CEP135: variants seen among roughly 807,000 people sequenced by gnomAD.
The protein encoded by CEP135 is centrosomal protein of 135 kDa.
A neutral mutation model predicts 157.3 loss-of-function variants in CEP135; 142 were observed. That is an observed-to-expected ratio of 0.90 (90% CI 0.79 to 1.04). The LOEUF is 1.04. Ranked by LOEUF, CEP135 falls within the 50% of genes least tolerant of loss-of-function variation. CEP135 has a pLI of 0.00. For synonymous variants in CEP135, 396 were observed against 439.8 expected, an observed-to-expected ratio of 0.90 and a Z score of 1.25; for missense variants, 1,317 against 1,309.2, an observed-to-expected ratio of 1.01 and a Z score of -0.09.
Position 55,957,346 on chromosome 4 carries a change from T to C in CEP135, c.596T>C (p.Leu199Pro). ...QPDDPYIADL[L>P]QVADNRIQEL... ...GATGACCCTTACATTGCAGACCTCC[T>C]TCAAGTGGCTGATAACAGGTGCATT... Residue 199 changes from leucine to proline, a missense_variant, in exon 5 of 26, where the codon CTT (leucine) becomes CCT (proline). Coordinates refer to ENST00000257287, the MANE Select transcript of CEP135 (RefSeq NM_025009.5). The C allele has an allele frequency of 6.2e-7, 1 of 1,612,698 alleles. No homozygotes were observed. The highest frequency in any genetic ancestry group is 8.5e-7 in the Non-Finnish European group (1 of 1,179,672).
rs116424331 is a variant in CEP135, at chr4:56,027,296, A to G, written c.*11+2682A>G. On this transcript the variant is annotated intron_variant, in intron 25 of 25. Transcript: ENST00000257287. Reference sequence around the variant, plus strand: ...GGTTGGTTGGTAAACTAGGATCTGCAAGCCAAATCCATACCACTGCCTATT... The same window carrying G: ...GGTTGGTTGGTAAACTAGGATCTGCGAGCCAAATCCATACCACTGCCTATT... Among the ~76,000 whole-genome samples the G allele has an allele frequency of 6.8e-3, 1,033 of 152,314 alleles. 14 individuals carry two copies. The highest frequency in any genetic ancestry group is 0.024 in the African/African-American group (991 of 41,560).
At chr4:56,019,295 T>G (rs916697480) in intron 22 of CEP135, 58 bp from the exon 23 acceptor site, 50 of 1,357,646 alleles carry the variant, frequency 3.7e-5, no homozygotes, top group Admixed American at 1.4e-4. Context: ...AGATAAATAA[T>G]TTTTTCAGAG....
chr4:55,992,924 A>G (rs558090223), intron 15 of CEP135, among the ~76,000 whole-genome samples: 12 of 152,318 alleles, frequency 7.9e-5, no homozygotes, highest in Non-Finnish European at 1.2e-4. Flanking sequence ...AGGTCGGAAT[A>G]AGGGGACCGC....
In CEP135 at chr4:55,974,904, C is replaced by A; in HGVS notation, c.1408C>A (p.Arg470=). 6.2e-7 allele frequency: 1 copy of A among 1,613,046 alleles called. No individual in the cohort carries two copies. The highest frequency in any genetic ancestry group is 1.7e-5 in the Admixed American group (1 of 59,970). Residue 470 remains arginine, a synonymous_variant, in exon 11 of 26, where the codon CGA becomes AGA. Transcript: ENST00000257287. ...AGAGAGACTCCAACATATAATACAG[C>A]GAAGATCTTGCTCTACAAGTTATAG... ...ELERLQHIIQ[R]RSCSTSYSAR...
intron 13 of CEP135, among the ~76,000 whole-genome samples, chr4:55,982,424 T>C (rs1729442709): frequency 6.6e-6 from 1 of 152,222 alleles, no homozygotes; most frequent in African/African-American, 2.4e-5. Context: ...CTCCACACTC[T>C]CACCATTACT....
chr4:55,966,022 C>T, intron 8 of CEP135, 163 bp downstream of exon 8: 2 of 600,248 alleles, frequency 3.3e-6, no homozygotes, highest in Non-Finnish European at 5.9e-6. Flanking sequence ...GTGTTGTTTA[C>T]ACCCTGTAAA....
At chr4:55,996,113 G>C (rs951991183) in intron 15 of CEP135, among the ~76,000 whole-genome samples, 8 of 152,086 alleles carry the variant, frequency 5.3e-5, no homozygotes, top group Non-Finnish European at 1.0e-4. Flanking sequence ...TAAGGTAATT[G>C]ATAACCATTT....
chr4:55,997,630 A>T (rs1290821009), intron 15 of CEP135, among the ~76,000 whole-genome samples: 1 of 152,198 alleles, frequency 6.6e-6, no homozygotes, highest in East Asian at 1.9e-4. Flanking sequence ...GAACATTGTT[A>T]TAATGTTAGA....
intron 2 of CEP135, chr4:55,952,479 T>C (rs1409439191): frequency 9.1e-6 from 3 of 330,288 alleles, no homozygotes; most frequent in Non-Finnish European, 1.6e-5. Flanking sequence ...TCTCTGTGAA[T>C]GGAATTACAG....
chr4:55,971,890 C>T (rs1427346483), intron 10 of CEP135, among the ~76,000 whole-genome samples: 1 of 152,118 alleles, frequency 6.6e-6, no homozygotes, highest in Non-Finnish European at 1.5e-5. Context: ...GTGGCTCACA[C>T]CTGTAATCCT....
intron 14 of CEP135, among the ~76,000 whole-genome samples, chr4:55,986,535 C>T (rs1729593437): frequency 6.6e-6 from 1 of 151,914 alleles, no homozygotes; most frequent in African/African-American, 2.4e-5. Context: ...GAGCAAGACC[C>T]TGTCTCCAAA....
chr4:55,973,331 A>G (rs777053257), intron 10 of CEP135, among the ~76,000 whole-genome samples: 125 of 152,196 alleles, frequency 8.2e-4, no homozygotes, highest in Admixed American at 1.7e-3. Flanking sequence ...TCCATTCTCC[A>G]CGGGGGATAT....
intron 1 of CEP135, among the ~76,000 whole-genome samples, chr4:55,950,449 CAGTT>C (rs992381003): frequency 1.3e-5 from 2 of 152,032 alleles, no homozygotes; most frequent in Admixed American, 6.6e-5. Context: ...ACCATGACTA[CAGTT>C]AGTTAGCAAA....
intron 17 of CEP135, among the ~76,000 whole-genome samples, chr4:56,002,531 T>C (rs1730211647): frequency 6.6e-6 from 1 of 152,192 alleles, no homozygotes; most frequent in African/African-American, 2.4e-5. Flanking sequence ...GTATCACATT[T>C]ATTGATTGTG....
Position 55,953,144 on chromosome 4 carries a change from A to G in CEP135, c.173A>G (p.Glu58Gly). 6.2e-7 allele frequency: 1 copy of G among 1,608,146 alleles called. No individual in the cohort carries two copies. The highest frequency in any genetic ancestry group is 8.5e-7 in the Non-Finnish European group (1 of 1,178,222). The change falls in exon 3 of 26, where the codon GAA becomes GGA. Residue 58 changes from glutamate to glycine, a missense_variant. Transcript: ENST00000257287. ...TCAAAATTATCTGCTGTGAAAGCTG[A>G]AAAAGAAAGTGCCAATTTTGATTTT... ...RQSKLSAVKA[E>G]KESANFDFVL...
chr4:56,014,840 A>C (rs551136271), intron 21 of CEP135, among the ~76,000 whole-genome samples: 1 of 152,130 alleles, frequency 6.6e-6, no homozygotes, highest in South Asian at 2.1e-4. Flanking sequence ...CCACCAAAAA[A>C]CTACGCTCAG....
rs558110403 is a variant in CEP135 at position 56,020,643 on chromosome 4, G to A, written c.3216-33G>A. 187 of 1,582,580 alleles carry A rather than the reference G, an allele frequency of 1.2e-4. No individual in the cohort carries two copies. The South Asian group carries it at 1.4e-3, about 12-fold the overall frequency. On this transcript the variant is annotated intron_variant, in intron 23 of 25. Transcript: ENST00000257287. ...AGCACCTGACTCTACAAAACGGAAC[G>A]TTTATTTCTTGATTTTTTAATTTGT...
chr4:55,988,793 TA>T (rs557226231), intron 14 of CEP135, among the ~76,000 whole-genome samples: 20 of 143,336 alleles, frequency 1.4e-4, no homozygotes, highest in East Asian at 4.1e-4. Context: ...CCGTCTCTAC[TA>T]AAAAAAAAAT....
chr4:56,011,757 G>A, intron 20 of CEP135, 43 bp from the exon 21 acceptor site: 1 of 1,481,374 alleles, frequency 6.8e-7, no homozygotes, highest in South Asian at 1.3e-5. Context: ...TCCAGGAAGT[G>A]ACAATTACTA....
Sources: allele counts gnomAD v4.1 joint callset (sites outside exome capture counted in the v4.1 genomes callset), GRCh38; gene constraint gnomAD v4.1.1; transcripts MANE v1.5; gene names NCBI Gene and HGNC (gene_info 2026-07-23, HGNC 2026-07-21).